The following CPXM2 variants were observed in gnomAD, a reference collection of about 807,000 sequenced individuals.
CPXM2 encodes the protein inactive carboxypeptidase-like protein X2.
Under a neutral mutation model 86.1 loss-of-function variants are expected in CPXM2, and 66 were observed. That is an observed-to-expected ratio of 0.77 (90% CI 0.63 to 0.94). The LOEUF (loss-of-function observed/expected upper bound fraction) is 0.94, where lower values mean the gene tolerates loss of function less well. Among genes scored for constraint, CPXM2 ranks in the 40% least tolerant of loss-of-function variants. CPXM2 has a pLI of 0.00. For missense variants in CPXM2, 948 were observed against 1,026.3 expected, an observed-to-expected ratio of 0.92 and a Z score of 1.04; for synonymous variants, 388 against 400.2, an observed-to-expected ratio of 0.97 and a Z score of 0.36.
intron 3 of CPXM2, among the ~76,000 whole-genome samples, chr10:123,844,714 C>A (rs1454266593): frequency 1.3e-5 from 2 of 152,066 alleles, no homozygotes; most frequent in African/African-American, 4.8e-5. Flanking sequence ...CCCTAAATTA[C>A]AATATATGAA....
intron 4 of CPXM2, among the ~76,000 whole-genome samples, chr10:123,829,428 T>C (rs988513005): frequency 6.6e-6 from 1 of 151,826 alleles, no homozygotes; most frequent in Non-Finnish European, 1.5e-5. Context: ...CCTCCCAAAG[T>C]GCTGGGTTTA....
upstream of CPXM2, among the ~76,000 whole-genome samples, chr10:123,894,259 A>G (rs1352457336): frequency 6.6e-6 from 1 of 152,134 alleles, no homozygotes; most frequent in Non-Finnish European, 1.5e-5. Flanking sequence ...GTAACATAAC[A>G]TATACCCGCT....
At chr10:123,848,882 T>A (rs1175210593) in intron 3 of CPXM2, among the ~76,000 whole-genome samples, 1 of 152,194 alleles carries the variant, frequency 6.6e-6, no homozygotes, top group Non-Finnish European at 1.5e-5. Context: ...ATAAAATATG[T>A]GATAATACCA....
At chr10:123,780,080 G>GAA in intron 7 of CPXM2, 87 bp downstream of exon 7, 1 of 826,078 alleles carries the variant, frequency 1.2e-6, no homozygotes, top group Non-Finnish European at 2.1e-6. Context: ...TCAATTTCTG[G>GAA]AAAAAAAAAT....
intron 13 of CPXM2, among the ~76,000 whole-genome samples, chr10:123,753,249 G>C (rs1403919970): frequency 6.6e-6 from 1 of 152,182 alleles, no homozygotes; most frequent in African/African-American, 2.4e-5. Context: ...TGTTTGCCTA[G>C]GACAGAGGTG....
chr10:123,792,036 C>T (rs1847217022), intron 6 of CPXM2, among the ~76,000 whole-genome samples: 1 of 152,198 alleles, frequency 6.6e-6, no homozygotes, highest in African/African-American at 2.4e-5. Flanking sequence ...GAGTACTTTG[C>T]ACAGGGAGAG....
Position 123,863,385 on chromosome 10 carries a change from C to T in CPXM2, c.404-662G>A, listed in dbSNP as rs140783610. 5.4e-3 allele frequency among the ~76,000 whole-genome samples: 818 copies of T among 152,260 alleles called. 21 individuals carry two copies. In the South Asian group the frequency reaches 0.072, roughly 13 times the overall value. ...ACAGTGAGTGTGAAAGGCCATGCAG[C>T]GAGAGGGGGCCACATGATGAACCGG... On this transcript the variant is annotated intron_variant, in intron 2 of 13. Coordinates refer to ENST00000241305, the MANE Select transcript of CPXM2 (RefSeq NM_198148.3).
chr10:123,747,233 G>T (rs1589954167), intron 13 of CPXM2, among the ~76,000 whole-genome samples: 1 of 152,300 alleles, frequency 6.6e-6, no homozygotes, highest in East Asian at 1.9e-4. Context: ...GGGAGGGGAG[G>T]TATAGGCTCC....
intron 13 of CPXM2, chr10:123,752,417 AT>A (rs1194825778): frequency 1.0e-6 from 1 of 984,912 alleles, no homozygotes; most frequent in Non-Finnish European, 1.2e-6. Flanking sequence ...GAAAAATGCA[AT>A]TTATGGCATT....
At chr10:123,793,097 C>T (rs1355915161) in intron 6 of CPXM2, among the ~76,000 whole-genome samples, 1 of 152,160 alleles carries the variant, frequency 6.6e-6, no homozygotes, top group Non-Finnish European at 1.5e-5. Flanking sequence ...GAAGGTATTC[C>T]CTCTACTCCA....
intron 4 of CPXM2, among the ~76,000 whole-genome samples, chr10:123,811,523 C>T (rs1317667393): frequency 2.0e-5 from 3 of 152,096 alleles, no homozygotes; most frequent in Non-Finnish European, 2.9e-5. Context: ...AAGTTCATAA[C>T]CATGGAGTAT....
chr10:123,810,652 G>A (rs1847670649), intron 4 of CPXM2, among the ~76,000 whole-genome samples: 1 of 152,086 alleles, frequency 6.6e-6, no homozygotes, highest in African/African-American at 2.4e-5. Context: ...GATATTTATG[G>A]AGGAAACTTT....
chr10:123,751,667 C>A (rs1846079574), intron 13 of CPXM2: 2 of 985,398 alleles, frequency 2.0e-6, no homozygotes, highest in Non-Finnish European at 2.4e-6. Flanking sequence ...CTGTGGAATT[C>A]CATTTAATAC....
Position 123,904,257 on chromosome 10 carries a change from C to T in CPXM2, n.175-23948G>A, listed in dbSNP as rs146836308. ...TCCTGGCTCTGCAGCCTGTTCTTTC[C>T]CTTCGGGGCAGACACTCCACTGGGC... On this transcript the variant is annotated intron_variant and non_coding_transcript_variant, in intron 2 of 19. Transcript: ENST00000368854. Among the ~76,000 whole-genome samples the T allele has an allele frequency of 1.5e-4, 23 of 152,304 alleles. No individual in the cohort carries two copies. The East Asian group carries it at 4.2e-3, about 28-fold the overall frequency.
intron 3 of CPXM2, among the ~76,000 whole-genome samples, chr10:123,859,631 A>T (rs1442537807): frequency 6.6e-6 from 1 of 152,256 alleles, no homozygotes; most frequent in Non-Finnish European, 1.5e-5. Context: ...TTCACAGTCT[A>T]AGAGCAGGTA....
At chr10:123,807,967 A>G (rs1847614956) in intron 4 of CPXM2, among the ~76,000 whole-genome samples, 1 of 152,200 alleles carries the variant, frequency 6.6e-6, no homozygotes, top group South Asian at 2.1e-4. Context: ...AAATAAAGAA[A>G]GGTTTGTGTC....
intron 2 of CPXM2, among the ~76,000 whole-genome samples, chr10:123,905,217 A>G (rs2134264751): frequency 6.6e-6 from 1 of 152,342 alleles, no homozygotes; most frequent in South Asian, 2.1e-4. Context: ...GAAAAGAATG[A>G]ACCCCGCCAC....
At chr10:123,927,856 C>A (rs189871220) in intron 2 of CPXM2, among the ~76,000 whole-genome samples, 2 of 152,336 alleles carry the variant, frequency 1.3e-5, no homozygotes, top group Non-Finnish European at 2.9e-5. Flanking sequence ...TATCCAATCT[C>A]GTTTCCCTGG....
chr10:123,863,069 A>T (rs754548534), intron 2 of CPXM2, among the ~76,000 whole-genome samples: 71 of 152,214 alleles, frequency 4.7e-4, no homozygotes, highest in Non-Finnish European at 8.8e-4. Flanking sequence ...TTGCTTCAGC[A>T]ACTCTGGCCT....
Sources: gnomAD v4.1 joint callset for allele counts (sites outside exome capture counted in the v4.1 genomes callset) on GRCh38, gnomAD v4.1.1 for gene constraint, MANE v1.5 for transcripts, NCBI Gene and HGNC (gene_info 2026-07-23, HGNC 2026-07-21) for gene names.